ADAM18: variants seen among roughly 807,000 people sequenced by gnomAD.
ADAM18 encodes the protein ADAM metallopeptidase domain 18.
Under a neutral mutation model 94.4 loss-of-function variants are expected in ADAM18, and 117 were observed. The observed-to-expected ratio is 1.24, with a 90% CI of 1.07 to 1.45. The LOEUF is 1.45. ADAM18 is among the 40% of genes most tolerant of loss of function. The pLI is 0.00. For synonymous variants in ADAM18, 327 were observed against 291.6 expected (o/e 1.12, Z -1.24); for missense variants, 936 against 880.0 (o/e 1.06, Z -0.81).
At chr8:39,637,019 TTATATATATA>T (rs35248371) in intron 7 of ADAM18, among the ~76,000 whole-genome samples, 2,648 of 54,396 alleles carry the variant, frequency 0.049, 55 homozygotes, top group Middle Eastern at 0.074. Flanking sequence ...TGTGTGTATT[TTATATATATA>T]TATATATATA....
intron 6 of ADAM18, among the ~76,000 whole-genome samples, chr8:39,625,039 C>T (rs1819722754): frequency 6.6e-6 from 1 of 152,106 alleles, no homozygotes. Flanking sequence ...TTCTTTGGTT[C>T]CATGTGAATT....
chr8:39,646,943 C>T (rs1820397172), intron 11 of ADAM18, among the ~76,000 whole-genome samples: 1 of 152,084 alleles, frequency 6.6e-6, no homozygotes, highest in Non-Finnish European at 1.5e-5. Context: ...AGAAGGATCT[C>T]TCTGGAGGGT....
intron 7 of ADAM18, among the ~76,000 whole-genome samples, chr8:39,637,019 TTATATA>T (rs35248371): frequency 0.11 from 5,888 of 52,840 alleles, 181 homozygotes; most frequent in Non-Finnish European, 0.13. Context: ...TGTGTGTATT[TTATATA>T]TATATATATA....
intron 17 of ADAM18, among the ~76,000 whole-genome samples, chr8:39,700,077 T>A (rs1822022270): frequency 6.6e-6 from 1 of 152,212 alleles, no homozygotes; most frequent in Non-Finnish European, 1.5e-5. Flanking sequence ...TTTATGCCAC[T>A]TTGATAACAC....
At chr8:39,642,987 A>G (rs78425189) in intron 10 of ADAM18, among the ~76,000 whole-genome samples, 34,086 of 151,976 alleles carry the variant, frequency 0.22, 4,014 homozygotes, top group South Asian at 0.32. Context: ...TGCTCCTTGT[A>G]GAGATCTTTC....
At chr8:39,663,425 C>CA (rs374386277) in intron 12 of ADAM18, among the ~76,000 whole-genome samples, 68,145 of 102,704 alleles carry the variant, frequency 0.66, 22,239 homozygotes, top group Non-Finnish European at 0.76. Context: ...CTAGTCTTTA[C>CA]AAAAAAAAAA....
intron 3 of ADAM18, among the ~76,000 whole-genome samples, chr8:39,607,195 C>T (rs558119162): frequency 6.6e-6 from 1 of 152,268 alleles, no homozygotes; most frequent in African/African-American, 2.4e-5. Flanking sequence ...TTGCCACCAT[C>T]AAATATAAAT....
At chr8:39,629,773 T>G (rs919279409) in intron 7 of ADAM18, among the ~76,000 whole-genome samples, 34 of 151,860 alleles carry the variant, frequency 2.2e-4, no homozygotes, top group Non-Finnish European at 4.6e-4. Flanking sequence ...ACAATTTTCT[T>G]AATATTTTAA....
chr8:39,681,700 C>A (rs146646824), intron 16 of ADAM18, among the ~76,000 whole-genome samples: 117 of 152,228 alleles, frequency 7.7e-4, no homozygotes, highest in African/African-American at 2.7e-3. Context: ...GACCTTAAGT[C>A]CAACTCTGCA....
chr8:39,608,967 A>C lies in ADAM18; in HGVS notation c.189-75A>C, dbSNP rs565815472. 3.6e-6 allele frequency: 3 copies of C among 836,316 alleles called. No individual in the cohort carries two copies. The African/African-American group carries it at 5.4e-5, about 15-fold the overall frequency. 51.8% of individuals were successfully genotyped at this position (836,316 alleles called of 1,614,324 possible). On this transcript the variant is annotated intron_variant, in intron 3 of 19. Transcript: ENST00000265707. ...AGCTAATTAAATCGTGTTATATAAA[A>C]TGTATGTAATATTTGTTTTTAACAT...
At chr8:39,675,605 C>G (rs1821278699) in intron 14 of ADAM18, among the ~76,000 whole-genome samples, 1 of 152,106 alleles carries the variant, frequency 6.6e-6, no homozygotes, top group Non-Finnish European at 1.5e-5. Flanking sequence ...TTATTACCAA[C>G]CTTCTGAAGC....
chr8:39,702,831 A>T (rs1163024223), intron 17 of ADAM18, among the ~76,000 whole-genome samples: 2 of 152,188 alleles, frequency 1.3e-5, no homozygotes, highest in Non-Finnish European at 2.9e-5. Context: ...CTGCTGTTCC[A>T]TAGGTCTATG....
intron 19 of ADAM18, among the ~76,000 whole-genome samples, chr8:39,726,339 G>A: frequency 6.6e-6 from 1 of 151,502 alleles, no homozygotes; most frequent in Admixed American, 6.6e-5. Flanking sequence ...TGTTGCGTAG[G>A]CTTGTCTAAA....
At chr8:39,645,050 A>T (rs956492288) in intron 10 of ADAM18, among the ~76,000 whole-genome samples, 2 of 152,164 alleles carry the variant, frequency 1.3e-5, no homozygotes, top group African/African-American at 4.8e-5. Context: ...TCAATGAGAA[A>T]GTGAAATAAA....
At chr8:39,711,431 G>A (rs1321590727) in intron 18 of ADAM18, among the ~76,000 whole-genome samples, 3 of 152,092 alleles carry the variant, frequency 2.0e-5, no homozygotes, top group African/African-American at 4.8e-5. Flanking sequence ...CATCCCTGAG[G>A]AAGCTCAAAA....
chr8:39,605,211 C>T (rs1483156574), intron 2 of ADAM18, among the ~76,000 whole-genome samples: 1 of 152,192 alleles, frequency 6.6e-6, no homozygotes, highest in Non-Finnish European at 1.5e-5. Context: ...CTTCTCTTGA[C>T]ATTTGTTTGC....
At chr8:39,682,396 C>T (rs1217140008) in intron 16 of ADAM18, among the ~76,000 whole-genome samples, 2 of 152,154 alleles carry the variant, frequency 1.3e-5, no homozygotes, top group Non-Finnish European at 2.9e-5. Flanking sequence ...AGGAGGCTAT[C>T]GGACCCCCAA....
chr8:39,718,771 C>T (rs951134512), intron 18 of ADAM18, among the ~76,000 whole-genome samples: 3 of 151,418 alleles, frequency 2.0e-5, no homozygotes, highest in Admixed American at 6.6e-5. Context: ...AAAATACTTG[C>T]AAATAAATTT....
chr8:39,637,210 C>A, intron 7 of ADAM18, 54 bp from the exon 8 acceptor site: 1 of 1,327,016 alleles, frequency 7.5e-7, no homozygotes, highest in Non-Finnish European at 1.1e-6. Flanking sequence ...AATATCATTT[C>A]ATTCACATGG....
Sources: gnomAD v4.1 joint callset for allele counts (sites outside exome capture counted in the v4.1 genomes callset) on GRCh38, gnomAD v4.1.1 for gene constraint, MANE v1.5 for transcripts, NCBI Gene and HGNC (gene_info 2026-07-23, HGNC 2026-07-21) for gene names.